The following LCLAT1 variants were observed in gnomAD, a reference collection of about 807,000 sequenced individuals.
LCLAT1 encodes lysocardiolipin acyltransferase 1.
LCLAT1 carries 11 observed loss-of-function variants against 30.7 expected under a neutral mutation model. That is an observed-to-expected ratio of 0.36 (90% CI 0.23 to 0.59). LCLAT1 has a LOEUF of 0.59. Ranked by LOEUF, LCLAT1 falls within the 20% of genes least tolerant of loss-of-function variation. The probability of loss-of-function intolerance (pLI) is 0.77; values close to 1 mark genes in which losing one functional copy is unlikely to be tolerated. For missense variants in LCLAT1, 402 were observed against 458.6 expected (o/e 0.88, Z 1.13); for synonymous variants, 155 against 151.3 (o/e 1.02, Z -0.18).
At chr2:30,605,678 G>A (rs1667402746) in intron 5 of LCLAT1, among the ~76,000 whole-genome samples, 1 of 152,124 alleles carries the variant, frequency 6.6e-6, no homozygotes, top group African/African-American at 2.4e-5. Context: ...CAACTCTGAA[G>A]CTGCACCTTT....
At chr2:30,595,256 T>TG (rs774698399) in intron 5 of LCLAT1, among the ~76,000 whole-genome samples, 282 of 152,226 alleles carry the variant, frequency 1.9e-3, no homozygotes, top group Non-Finnish European at 2.8e-3. Context: ...CTATCCTTTG[T>TG]GGGGGTTTTT....
intron 3 of LCLAT1, among the ~76,000 whole-genome samples, chr2:30,559,083 A>G (rs562370347): frequency 6.6e-6 from 1 of 152,302 alleles, no homozygotes; most frequent in East Asian, 1.9e-4. Context: ...TAGACGAAAT[A>G]TTGAGCATAA....
chr2:30,503,060 G>T lies in LCLAT1; in HGVS notation c.-4-22527G>T, dbSNP rs117927745. ...CAATTACATGCAAATTAAGGGGCAGGTTATTTAGAACTTTCTAGGAAAGGG... is the reference window on the plus strand; with the variant it reads ...CAATTACATGCAAATTAAGGGGCAGTTTATTTAGAACTTTCTAGGAAAGGG... On this transcript the variant is annotated intron_variant, in intron 1 of 5. Transcript: ENST00000379509. Among the ~76,000 whole-genome samples the T allele has an allele frequency of 1.8e-3, 277 of 152,328 alleles. 2 individuals carry two copies. In the East Asian group the frequency reaches 0.029, roughly 16 times the overall value.
At chr2:30,582,723 A>G (rs914034002) in intron 5 of LCLAT1, among the ~76,000 whole-genome samples, 22 of 152,222 alleles carry the variant, frequency 1.4e-4, no homozygotes, top group Admixed American at 3.9e-4. Context: ...AACTTTGTGT[A>G]CCAAGTGCAA....
chr2:30,604,660 CAAA>C (rs71405526), intron 5 of LCLAT1, among the ~76,000 whole-genome samples: 11,467 of 95,822 alleles, frequency 0.12, 375 homozygotes, highest in South Asian at 0.25. Context: ...GACTCCGTCT[CAAA>C]AAAAAAAAAA....
intron 1 of LCLAT1, among the ~76,000 whole-genome samples, chr2:30,463,128 A>G (rs1173550243): frequency 3.9e-5 from 6 of 152,112 alleles, no homozygotes; most frequent in East Asian, 1.9e-4. Flanking sequence ...TGAATGCTAT[A>G]TAAGTAATAT....
chr2:30,617,670 C>T (rs1668058652), intron 5 of LCLAT1, among the ~76,000 whole-genome samples: 1 of 152,100 alleles, frequency 6.6e-6, no homozygotes, highest in Admixed American at 6.5e-5. Flanking sequence ...GCCTTTTTAA[C>T]CTAGCCATTC....
chr2:30,616,620 AC>A (rs1668003746), intron 5 of LCLAT1, among the ~76,000 whole-genome samples: 1 of 152,156 alleles, frequency 6.6e-6, no homozygotes, highest in African/African-American at 2.4e-5. Context: ...TAGCAAGAAA[AC>A]ATGGTAGTTA....
intron 1 of LCLAT1, among the ~76,000 whole-genome samples, chr2:30,504,803 C>T (rs149658281): frequency 6.6e-6 from 1 of 152,270 alleles, no homozygotes; most frequent in East Asian, 1.9e-4. Flanking sequence ...GACCACCATC[C>T]TCAGTCACAG....
chr2:30,500,069 GAAAGA>G (rs762735468), intron 1 of LCLAT1, among the ~76,000 whole-genome samples: 11 of 152,122 alleles, frequency 7.2e-5, no homozygotes, highest in Admixed American at 1.3e-4. Context: ...GAGAATAAGT[GAAAGA>G]AAACACCCAT....
chr2:30,459,541 C>A, intron 1 of LCLAT1: 1 of 1,010,558 alleles, frequency 9.9e-7, no homozygotes, highest in Non-Finnish European at 1.6e-6. Flanking sequence ...TCCCATTTGT[C>A]CTGTTCACAG....
chr2:30,524,985 T>G (rs181386359), intron 1 of LCLAT1, among the ~76,000 whole-genome samples: 62 of 152,174 alleles, frequency 4.1e-4, no homozygotes, highest in African/African-American at 1.4e-3. Context: ...CTCTGGAATA[T>G]TTTATGAGTT....
intron 3 of LCLAT1, among the ~76,000 whole-genome samples, chr2:30,533,958 G>T (rs1686103841): frequency 6.6e-6 from 1 of 152,108 alleles, no homozygotes; most frequent in Non-Finnish European, 1.5e-5. Context: ...GAAAAAGGGA[G>T]GGGAAAGATT....
chr2:30,520,200 C>T (rs1395774153), intron 1 of LCLAT1, among the ~76,000 whole-genome samples: 1 of 152,168 alleles, frequency 6.6e-6, no homozygotes, highest in African/African-American at 2.4e-5. Flanking sequence ...AAAAGGCTTG[C>T]TGCCATCTTG....
intron 2 of LCLAT1, among the ~76,000 whole-genome samples, chr2:30,530,782 G>A (rs1387856481): frequency 1.3e-5 from 2 of 152,094 alleles, no homozygotes; most frequent in African/African-American, 4.8e-5. Flanking sequence ...GGCTTCAAGC[G>A]ATCTTCCTGC....
intron 3 of LCLAT1, among the ~76,000 whole-genome samples, chr2:30,554,951 CAGAA>C (rs938030091): frequency 3.3e-5 from 5 of 150,786 alleles, no homozygotes; most frequent in African/African-American, 1.2e-4. Flanking sequence ...TTTTCTTAAA[CAGAA>C]GGAATGTTTT....
At chr2:30,528,588 A>C (rs967527989) in intron 2 of LCLAT1, among the ~76,000 whole-genome samples, 1 of 152,208 alleles carries the variant, frequency 6.6e-6, no homozygotes, top group Non-Finnish European at 1.5e-5. Context: ...TAATATCAAT[A>C]TAGTACAATT....
chr2:30,544,656 C>T (rs1664314923), intron 3 of LCLAT1, among the ~76,000 whole-genome samples: 1 of 152,108 alleles, frequency 6.6e-6, no homozygotes, highest in Non-Finnish European at 1.5e-5. Context: ...CTGTGTGTTA[C>T]TTCTATCAGC....
At chr2:30,475,296 ACTAGT>A (rs1682993075) in intron 1 of LCLAT1, among the ~76,000 whole-genome samples, 1 of 152,140 alleles carries the variant, frequency 6.6e-6, no homozygotes, top group African/African-American at 2.4e-5. Flanking sequence ...ATGGTCCCTT[ACTAGT>A]CTTATGGAAA....
Sources: allele counts gnomAD v4.1 joint callset (sites outside exome capture counted in the v4.1 genomes callset), GRCh38; gene constraint gnomAD v4.1.1; transcripts MANE v1.5; gene names NCBI Gene and HGNC (gene_info 2026-07-23, HGNC 2026-07-21).